The following ASTN2 variants were observed in gnomAD, a reference collection of about 807,000 sequenced individuals.
ASTN2 encodes the protein astrotactin-2.
ASTN2 carries 54 observed loss-of-function variants against 139.8 expected under a neutral mutation model. The ratio of observed to expected loss-of-function variants is 0.39; its 90% confidence interval spans 0.31 to 0.48. The LOEUF is 0.48. Among genes scored for constraint, ASTN2 ranks in the 20% least tolerant of loss-of-function variants. The probability of loss-of-function intolerance (pLI) is 0.95; values close to 1 mark genes in which losing one functional copy is unlikely to be tolerated. For missense variants in ASTN2, 1,565 were observed against 1,725.1 expected (o/e 0.91, Z 1.64); for synonymous variants, 756 against 719.5 (o/e 1.05, Z -0.81).
At chr9:116,845,207 C>T (rs1355323257) in intron 11 of ASTN2, among the ~76,000 whole-genome samples, 29 of 152,154 alleles carry the variant, frequency 1.9e-4, no homozygotes, top group South Asian at 2.1e-4. Context: ...CTCCACCTCC[C>T]GGGTTCACGC....
chr9:116,827,561 T>C (rs1186725520), intron 11 of ASTN2, among the ~76,000 whole-genome samples: 2 of 152,214 alleles, frequency 1.3e-5, no homozygotes, highest in Middle Eastern at 3.4e-3. Flanking sequence ...CTACAACTGA[T>C]GCCACGGAAA....
At chr9:117,264,904 G>A (rs12004335) in intron 2 of ASTN2, among the ~76,000 whole-genome samples, 4,262 of 152,226 alleles carry the variant, frequency 0.028, 122 homozygotes, top group African/African-American at 0.063. Flanking sequence ...TTGATATTTC[G>A]GAACCAAACT....
At chr9:117,107,235 G>A (rs1829130420) in intron 4 of ASTN2, among the ~76,000 whole-genome samples, 1 of 151,770 alleles carries the variant, frequency 6.6e-6, no homozygotes, top group African/African-American at 2.4e-5. Context: ...ATTTTACATT[G>A]TTTCCAGTTT....
At chr9:117,179,505 A>G (rs1831003088) in intron 3 of ASTN2, among the ~76,000 whole-genome samples, 1 of 152,130 alleles carries the variant, frequency 6.6e-6, no homozygotes, top group Admixed American at 6.5e-5. Flanking sequence ...AGACCCCATC[A>G]TTTGTAACAC....
At chr9:117,263,682 T>A (rs1322742483) in intron 2 of ASTN2, among the ~76,000 whole-genome samples, 1 of 152,178 alleles carries the variant, frequency 6.6e-6, no homozygotes, top group African/African-American at 2.4e-5. Context: ...GGTTAAATCC[T>A]CTCAGTTTTT....
intron 20 of ASTN2, among the ~76,000 whole-genome samples, chr9:116,470,474 T>A (rs1197747499): frequency 6.6e-6 from 1 of 152,120 alleles, no homozygotes; most frequent in Non-Finnish European, 1.5e-5. Context: ...TTTTGGTAAA[T>A]TTTTTTGACT....
At chr9:117,272,865 A>T (rs1033079023) in intron 2 of ASTN2, among the ~76,000 whole-genome samples, 19 of 152,168 alleles carry the variant, frequency 1.2e-4, no homozygotes, top group African/African-American at 4.6e-4. Context: ...AATCTCTAGG[A>T]AGTTCCAAAC....
intron 20 of ASTN2, among the ~76,000 whole-genome samples, chr9:116,480,093 G>A (rs1048393476): frequency 2.0e-5 from 3 of 151,288 alleles, no homozygotes; most frequent in Non-Finnish European, 4.4e-5. Context: ...AGGGAAGCAA[G>A]GAAGGAAGGA....
chr9:117,390,293 T>G (rs1588005630), intron 1 of ASTN2, among the ~76,000 whole-genome samples: 1 of 152,340 alleles, frequency 6.6e-6, no homozygotes, highest in East Asian at 1.9e-4. Flanking sequence ...ATTATTTACA[T>G]CTTGTGTTAG....
chr9:116,504,895 CAAAAAAA>C (rs386416022), intron 19 of ASTN2, among the ~76,000 whole-genome samples: 1 of 91,766 alleles, frequency 1.1e-5, no homozygotes, highest in Non-Finnish European at 2.1e-5. Flanking sequence ...AATCCTGTCT[CAAAAAAA>C]AAAAAAAAAA....
At chr9:116,797,714 C>T (rs1018329743) in intron 13 of ASTN2, among the ~76,000 whole-genome samples, 3 of 152,142 alleles carry the variant, frequency 2.0e-5, no homozygotes, top group African/African-American at 7.2e-5. Flanking sequence ...TCAATGAGAT[C>T]ATCGTCTATT....
intron 1 of ASTN2, among the ~76,000 whole-genome samples, chr9:117,381,398 T>C (rs1830266834): frequency 6.6e-6 from 1 of 152,144 alleles, no homozygotes; most frequent in Non-Finnish European, 1.5e-5. Flanking sequence ...CCCCCAGTGT[T>C]GGAGGTGGGG....
intron 19 of ASTN2, among the ~76,000 whole-genome samples, chr9:116,507,863 C>T (rs1850177832): frequency 6.6e-6 from 1 of 152,082 alleles, no homozygotes; most frequent in Non-Finnish European, 1.5e-5. Flanking sequence ...GCAAGTTTCA[C>T]AACTTTCTTC....
In ASTN2 at chr9:116,564,185, G is replaced by C. The variant is rs146873594; in HGVS notation, c.3355+54139C>G. 1.2e-4 allele frequency among the ~76,000 whole-genome samples: 19 copies of C among 152,288 alleles called. No homozygotes were observed. In the East Asian group the frequency reaches 3.3e-3, roughly 26 times the overall value. On this transcript the variant is annotated intron_variant, in intron 19 of 22. Transcript: ENST00000313400. Reference sequence around the variant, plus strand: ...TGATTCAAATAGTTAAAATGACATAGGCCTGATTAACTTTTAGTGATCTCA... The same window carrying C: ...TGATTCAAATAGTTAAAATGACATACGCCTGATTAACTTTTAGTGATCTCA...
chr9:116,847,007 C>CAAAAAAAAAAAAAAAAAAAAAAAAAA (rs11302692), intron 11 of ASTN2, among the ~76,000 whole-genome samples: 2 of 75,878 alleles, frequency 2.6e-5, no homozygotes, highest in African/African-American at 9.9e-5. Context: ...GCTTCATTCT[C>CAAAAAAAAAAAAAAAAAAAAAAAAAA]AAAAAAAAAA....
chr9:117,247,598 T>C (rs533870898), intron 2 of ASTN2, among the ~76,000 whole-genome samples: 7 of 152,102 alleles, frequency 4.6e-5, no homozygotes, highest in Non-Finnish European at 8.8e-5. Flanking sequence ...AGAATAAAAT[T>C]AAAAACAAAA....
chr9:117,017,801 T>C (rs1837760252), intron 6 of ASTN2, among the ~76,000 whole-genome samples: 2 of 152,146 alleles, frequency 1.3e-5, no homozygotes, highest in South Asian at 4.1e-4. Context: ...GTATATACAA[T>C]TGGTAATTGT....
chr9:116,698,117 G>A lies in ASTN2; in HGVS notation c.2806+27654C>T, dbSNP rs780765510. The A allele has an allele frequency of 1.9e-6, 3 of 1,614,112 alleles. No homozygotes were observed. The highest frequency in any genetic ancestry group is 3.3e-5 in the Admixed American group (2 of 60,028). On this transcript the variant is annotated intron_variant, in intron 16 of 22. Coordinates refer to ENST00000313400, the MANE Select transcript of ASTN2 (RefSeq NM_001365068.1). This position sits in a 1 kb window ranked among gnomAD's most constrained non-coding sequence, Gnocchi z 4.4. Reference sequence around the variant, plus strand: ...TGGTGTTATGTGAGCCCTGCCGGGAGGCAGACCATCAGCCTCCTGGCCACT... The same window carrying A: ...TGGTGTTATGTGAGCCCTGCCGGGAAGCAGACCATCAGCCTCCTGGCCACT...
In ASTN2 at chr9:117,100,031, A is replaced by G. The variant is rs118164209; in HGVS notation, c.1169-3880T>C. Among the ~76,000 whole-genome samples, 426 of 152,314 alleles carry G rather than the reference A, an allele frequency of 2.8e-3. 1 individual carries two copies. The highest frequency in any genetic ancestry group is 4.7e-3 in the Non-Finnish European group (317 of 68,022). On this transcript the variant is annotated intron_variant, in intron 4 of 22. Coordinates refer to ENST00000313400, the MANE Select transcript of ASTN2 (RefSeq NM_001365068.1). ...CACACATGCATGCATATGGATGTAG[A>G]GGGCTGGCAAATGCTTGATATGTTG...
Sources: allele counts gnomAD v4.1 joint callset (sites outside exome capture counted in the v4.1 genomes callset), GRCh38; gene constraint gnomAD v4.1.1; non-coding constraint Gnocchi (gnomAD v3.1); transcripts MANE v1.5; gene names NCBI Gene and HGNC (gene_info 2026-07-23, HGNC 2026-07-21).